Variants in XCR1 observed in about 807,000 individuals in gnomAD.
XCR1 encodes the protein chemokine XC receptor 1.
For missense variants in XCR1, 356 were observed against 424.2 expected (o/e 0.84, Z 1.41); for synonymous variants, 187 against 188.5 (o/e 0.99, Z 0.06).
chr3:46,041,085 T>C (rs1274885999), intron 5 of XCR1, among the ~76,000 whole-genome samples: 1 of 152,148 alleles, frequency 6.6e-6, no homozygotes, highest in Non-Finnish European at 1.5e-5. Context: ...CAGCGTATAG[T>C]TTTATAAACA....
chr3:46,026,032 A>AAAAC, intron 1 of XCR1, among the ~76,000 whole-genome samples: 2 of 152,224 alleles, frequency 1.3e-5, no homozygotes, highest in African/African-American at 4.8e-5. Flanking sequence ...ATGAAAATCA[A>AAAAC]TTTAAGTCAC....
At chr3:46,046,175 G>A (rs1697622551) in intron 5 of XCR1, among the ~76,000 whole-genome samples, 1 of 152,154 alleles carries the variant, frequency 6.6e-6, no homozygotes, top group African/African-American at 2.4e-5. Context: ...TGGACCTAGG[G>A]GGACTGAACA....
intron 1 of XCR1, chr3:46,024,080 C>T: frequency 1.1e-6 from 1 of 900,568 alleles, no homozygotes; most frequent in Non-Finnish European, 1.8e-6. Context: ...AGTCTTCCTC[C>T]CTTGGATTTT....
At position 46,021,963 on chromosome 3, in the gene XCR1, G is replaced by T; in HGVS notation, c.-16C>A. The stretch of plus-strand genomic sequence containing the variant: ...AGGACTCCATCTGGACCAGATGGCA[G>T]GGACGTTTAGAGCATCTGAAATGAT... On this transcript the variant is annotated 5_prime_UTR_variant, in exon 2 of 2. The change creates a new upstream start codon in the 5' untranslated region. Coordinates refer to ENST00000309285, the MANE Select transcript of XCR1 (RefSeq NM_001024644.2). The surrounding 1 kb of genome is among the most constrained non-coding windows in gnomAD (Gnocchi z 4.7). 6.3e-7 allele frequency: 1 copy of T among 1,596,336 alleles called. No individual in the cohort carries two copies. Among genetic ancestry groups the T allele is most frequent in the Non-Finnish European group, 8.5e-7 (1 of 1,171,650 alleles).
At chr3:46,084,162 T>G (rs1178366530) in intron 1 of XCR1, among the ~76,000 whole-genome samples, 1 of 152,208 alleles carries the variant, frequency 6.6e-6, no homozygotes, top group African/African-American at 2.4e-5. Flanking sequence ...AGCTTTTTGG[T>G]GCTCTTAAAA....
chr3:46,021,543 G>C lies in XCR1; in HGVS notation c.405C>G (p.Leu135=), dbSNP rs369074574. The change falls in exon 2 of 2, where the codon CTC becomes CTG. Residue 135 remains leucine, a synonymous_variant. Transcript: ENST00000309285. This position sits in a 1 kb window ranked among gnomAD's most constrained non-coding sequence, Gnocchi z 4.7. ...IHRYLSVVSP[L]STLRVPTLRC... Reference sequence around the variant, plus strand: ...GGAGGGTGGGGACGCGCAGGGTGGAGAGGGGGCTCACTACCGACAGGTAGC... The same window carrying C: ...GGAGGGTGGGGACGCGCAGGGTGGACAGGGGGCTCACTACCGACAGGTAGC... The C allele has an allele frequency of 6.2e-7, 1 of 1,611,086 alleles. No individual in the cohort carries two copies. The highest frequency in any genetic ancestry group is 8.5e-7 in the Non-Finnish European group (1 of 1,178,450).
At chr3:46,043,717 T>TACACACACACACATAC (rs1384220578) in intron 5 of XCR1, among the ~76,000 whole-genome samples, 26 of 141,578 alleles carry the variant, frequency 1.8e-4, no homozygotes, top group African/African-American at 6.4e-4. Flanking sequence ...ACCTCATCTC[T>TACACACACACACATAC]ACACACACAC....
upstream of XCR1, among the ~76,000 whole-genome samples, chr3:46,031,822 T>C (rs34774687): frequency 0.2 from 30,328 of 152,100 alleles, 4,433 homozygotes; most frequent in African/African-American, 0.4. Flanking sequence ...GGAGAGATGA[T>C]GAAGAGACAA....
intron 4 of XCR1, among the ~76,000 whole-genome samples, chr3:46,060,192 A>G (rs1604068): frequency 0.38 from 57,760 of 152,160 alleles, 14,443 homozygotes; most frequent in African/African-American, 0.72. Flanking sequence ...ATTTATAGAT[A>G]CCTTCTTCCA....
intron 5 of XCR1, among the ~76,000 whole-genome samples, chr3:46,045,200 C>A (rs898863898): frequency 9.9e-5 from 15 of 152,034 alleles, no homozygotes; most frequent in Non-Finnish European, 1.6e-4. Context: ...TTGGGTGGAT[C>A]ATGAGGTCAG....
At chr3:46,058,556 TA>T (rs1171520425) in intron 4 of XCR1, among the ~76,000 whole-genome samples, 2 of 144,304 alleles carry the variant, frequency 1.4e-5, no homozygotes, top group African/African-American at 5.9e-5. Flanking sequence ...CTTCTGATTT[TA>T]TTTTATTTTA....
intron 5 of XCR1, among the ~76,000 whole-genome samples, chr3:46,042,710 C>G (rs1697557192): frequency 6.6e-6 from 1 of 152,180 alleles, no homozygotes; most frequent in South Asian, 2.1e-4. Flanking sequence ...AAGTCCAAGA[C>G]TAGTTGGCTT....
At chr3:46,034,645 A>G (rs1400549809) in intron 5 of XCR1, among the ~76,000 whole-genome samples, 1 of 152,200 alleles carries the variant, frequency 6.6e-6, no homozygotes, top group Non-Finnish European at 1.5e-5. Context: ...TTACGTGCAT[A>G]TATTGCATAA....
intron 5 of XCR1, among the ~76,000 whole-genome samples, chr3:46,052,609 A>T (rs1191436126): frequency 6.6e-6 from 1 of 152,160 alleles, no homozygotes; most frequent in Admixed American, 6.5e-5. Context: ...TAGATTTGTC[A>T]ACTACTAAAT....
chr3:46,031,325 CCTG>C (rs1553632053), upstream of XCR1, among the ~76,000 whole-genome samples: 7 of 152,242 alleles, frequency 4.6e-5, no homozygotes, highest in Non-Finnish European at 1.5e-5. Flanking sequence ...AGTACCTGCT[CCTG>C]CTGTTTGGCT....
At chr3:46,038,034 T>TTTTTTG (rs1553632506) in intron 5 of XCR1, among the ~76,000 whole-genome samples, 70 of 149,794 alleles carry the variant, frequency 4.7e-4, no homozygotes, top group Admixed American at 9.2e-4. Context: ...TTTTTTGTTT[T>TTTTTTG]TTTTTTTTTT....
Position 46,020,397 on chromosome 3 carries a change from C to T in XCR1, c.*549G>A, listed in dbSNP as rs1420002320. 1 of 153,190 alleles carries T rather than the reference C, an allele frequency of 6.5e-6. No individual in the cohort carries two copies. The highest frequency in any genetic ancestry group is 6.5e-5 in the Admixed American group (1 of 15,358). 9.5% of individuals were successfully genotyped at this position (153,190 alleles called of 1,614,324 possible). A position where few individuals can be genotyped will look rare whatever the true frequency, so the allele number is the denominator to read the frequency against. ...CAGTCTAGTTGTGGATTTTTAGAAT[C>T]CAGATATCAACATGACTGCTTATCT... On this transcript the variant is annotated 3_prime_UTR_variant, in exon 2 of 2. Coordinates refer to ENST00000309285, the MANE Select transcript of XCR1 (RefSeq NM_001024644.2).
chr3:46,022,607 C>G (rs1003118023), intron 1 of XCR1, among the ~76,000 whole-genome samples: 1 of 152,220 alleles, frequency 6.6e-6, no homozygotes, highest in Non-Finnish European at 1.5e-5. Context: ...ATGGCCTGAA[C>G]TAATATTTCT....
chr3:46,022,047 C>G, intron 1 of XCR1, 69 bp from the exon 2 acceptor site: 1 of 1,396,396 alleles, frequency 7.2e-7, no homozygotes, highest in Non-Finnish European at 9.7e-7. Flanking sequence ...ACCTGTAATC[C>G]TAGCACTTTG....
Sources: allele counts gnomAD v4.1 joint callset (sites outside exome capture counted in the v4.1 genomes callset), GRCh38; gene constraint gnomAD v4.1.1; non-coding constraint Gnocchi (gnomAD v3.1); transcripts MANE v1.5; gene names NCBI Gene and HGNC (gene_info 2026-07-23, HGNC 2026-07-21).